XRRA1: variants seen among roughly 807,000 people sequenced by gnomAD.
XRRA1 encodes the protein X-ray radiation resistance associated 1.
A neutral mutation model predicts 80.2 loss-of-function variants in XRRA1; 69 were observed. That is an observed-to-expected ratio of 0.86 (90% confidence interval 0.71 to 1.05). XRRA1 has a LOEUF of 1.05. XRRA1 is among the 50% of genes least tolerant of loss of function. The pLI, the probability that XRRA1 is intolerant of heterozygous loss-of-function variation, is 0.00. For synonymous variants in XRRA1, 348 were observed against 389.9 expected (o/e 0.89, Z 1.27); for missense variants, 967 against 976.4 (o/e 0.99, Z 0.13).
intron 10 of XRRA1, among the ~76,000 whole-genome samples, chr11:74,867,199 A>G (rs2043643087): frequency 6.6e-6 from 1 of 152,188 alleles, no homozygotes; most frequent in Admixed American, 6.5e-5. Flanking sequence ...CCTCCAAATG[A>G]CCACACTAGT....
At chr11:74,875,078 T>A (rs2045749354) in intron 10 of XRRA1, among the ~76,000 whole-genome samples, 1 of 152,206 alleles carries the variant, frequency 6.6e-6, no homozygotes, top group South Asian at 2.1e-4. Flanking sequence ...ATGCTGCCAT[T>A]TGGGAGGAAA....
intron 11 of XRRA1, 28 bp downstream of exon 11, chr11:74,862,953 A>C: frequency 6.4e-7 from 1 of 1,553,326 alleles, no homozygotes; most frequent in Non-Finnish European, 8.8e-7. Flanking sequence ...TAACTCAGGA[A>C]CACAAATATA....
intron 12 of XRRA1, among the ~76,000 whole-genome samples, chr11:74,854,442 T>C (rs1046393423): frequency 6.6e-6 from 1 of 152,228 alleles, no homozygotes; most frequent in African/African-American, 2.4e-5. Context: ...GACCATATGG[T>C]TTCTGTTGCA....
Position 74,921,308 on chromosome 11 carries a change from T to C in XRRA1, c.562A>G (p.Ile188Val). Residue 188 changes from isoleucine to valine, a missense_variant, in exon 8 of 19, where the codon ATC (isoleucine) becomes GTC (valine). Physicochemically the swap from Ile to Val is conservative, Grantham distance 29. Transcript: ENST00000684022. ...LSFNSLTVEA[I>V]CDLGILPHLR... Reference sequence around the variant, plus strand: ...TGTGGCAGAATCCCCAAATCACAGATGGCCTCCACAGTCAGGCTGTTGAAG... The same window carrying C: ...TGTGGCAGAATCCCCAAATCACAGACGGCCTCCACAGTCAGGCTGTTGAAG... 2 of 1,613,922 alleles carry C rather than the reference T, an allele frequency of 1.2e-6. No homozygotes were observed. The highest frequency in any genetic ancestry group is 1.6e-4 in the Middle Eastern group (1 of 6,062).
intron 13 of XRRA1, 78 bp from the exon 14 acceptor site, chr11:74,851,281 A>AGT: frequency 9.1e-7 from 1 of 1,093,116 alleles, no homozygotes; most frequent in Non-Finnish European, 1.3e-6. Flanking sequence ...GGCACTATTC[A>AGT]AATTGCTTTA....
chr11:74,873,474 A>T (rs1286637958), intron 10 of XRRA1, among the ~76,000 whole-genome samples: 1 of 152,190 alleles, frequency 6.6e-6, no homozygotes, highest in African/African-American at 2.4e-5. Flanking sequence ...CCTGACTCTC[A>T]ATACCTGTTT....
At chr11:74,854,776 T>C (rs1336266693) in intron 12 of XRRA1, among the ~76,000 whole-genome samples, 1 of 152,010 alleles carries the variant, frequency 6.6e-6, no homozygotes. Context: ...TCCCAACACT[T>C]TGGGAGGCCG....
At position 74,939,820 on chromosome 11, in the gene XRRA1, T is replaced by C. The variant is rs559795459; in HGVS notation, c.94+965A>G. 3.3e-5 allele frequency among the ~76,000 whole-genome samples: 5 copies of C among 149,648 alleles called. No homozygotes were observed. In the South Asian group the frequency reaches 1.1e-3, roughly 32 times the overall value. The stretch of plus-strand genomic sequence containing the variant: ...ATTTCTGTAGCTATCCATCTATGTG[T>C]GTCTGTGTGTGAGAGAGTGACATAG... On this transcript the variant is annotated intron_variant, in intron 3 of 18. Transcript: ENST00000684022.
intron 11 of XRRA1, among the ~76,000 whole-genome samples, chr11:74,860,018 G>A (rs1197549441): frequency 6.6e-6 from 1 of 152,086 alleles, no homozygotes; most frequent in Non-Finnish European, 1.5e-5. Flanking sequence ...ATATTATAAG[G>A]GTAGATGCTG....
chr11:74,860,768 T>G (rs201515188), intron 11 of XRRA1, among the ~76,000 whole-genome samples: 1 of 152,210 alleles, frequency 6.6e-6, no homozygotes, highest in Non-Finnish European at 1.5e-5. Context: ...AGACTGGCTG[T>G]TACATAAGAA....
chr11:74,848,532 C>T, intron 14 of XRRA1, 70 bp from the exon 15 acceptor site: 1 of 1,389,250 alleles, frequency 7.2e-7, no homozygotes, highest in Non-Finnish European at 9.7e-7. Flanking sequence ...CCTCACTAGC[C>T]TAAGGCCACT....
At chr11:74,895,545 G>GATA (rs2052079262) in intron 10 of XRRA1, among the ~76,000 whole-genome samples, 1 of 152,212 alleles carries the variant, frequency 6.6e-6, no homozygotes, top group Admixed American at 6.5e-5. Flanking sequence ...GCTGGGCTTA[G>GATA]AGTCAGTGAA....
intron 10 of XRRA1, chr11:74,876,860 CCT>C (rs2046155224): frequency 6.6e-6 from 1 of 152,200 alleles, no homozygotes; most frequent in African/African-American, 2.4e-5. Context: ...TTCTACTTTT[CCT>C]CTCGAGATTC....
intron 18 of XRRA1, 96 bp from the exon 19 acceptor site, chr11:74,843,549 G>T: frequency 1.3e-6 from 2 of 1,486,412 alleles, no homozygotes; most frequent in African/African-American, 2.8e-5. Flanking sequence ...TGGAAAATGG[G>T]ATGGTGTGGC....
intron 12 of XRRA1, among the ~76,000 whole-genome samples, chr11:74,853,157 A>G (rs2040295065): frequency 6.6e-6 from 1 of 152,226 alleles, no homozygotes; most frequent in Non-Finnish European, 1.5e-5. Context: ...GTAACACAGG[A>G]GAATAGATTT....
chr11:74,861,273 G>A (rs756261482), intron 11 of XRRA1, among the ~76,000 whole-genome samples: 5 of 152,192 alleles, frequency 3.3e-5, no homozygotes, highest in African/African-American at 7.2e-5. Flanking sequence ...GAACTGGGCC[G>A]CACAGCAGGA....
intron 10 of XRRA1, among the ~76,000 whole-genome samples, chr11:74,875,048 T>C (rs1482077154): frequency 6.6e-6 from 1 of 152,234 alleles, no homozygotes; most frequent in African/African-American, 2.4e-5. Context: ...CCAAGTATGC[T>C]TTCTTAGTTC....
chr11:74,854,581 CA>C (rs765499126), intron 12 of XRRA1, among the ~76,000 whole-genome samples: 53 of 152,136 alleles, frequency 3.5e-4, no homozygotes, highest in Admixed American at 3.9e-4. Context: ...TTTAACATGT[CA>C]TGAAATTTTA....
chr11:74,852,196 G>A, intron 12 of XRRA1, 114 bp from the exon 13 acceptor site: 1 of 831,454 alleles, frequency 1.2e-6, no homozygotes. Context: ...GGGTGGTATT[G>A]GGTAAGACAT....
Sources: gnomAD v4.1 joint callset for allele counts (sites outside exome capture counted in the v4.1 genomes callset) on GRCh38, gnomAD v4.1.1 for gene constraint, MANE v1.5 for transcripts, NCBI Gene and HGNC (gene_info 2026-07-23, HGNC 2026-07-21) for gene names.